Variants in EPSTI1 observed in about 807,000 individuals in gnomAD.
EPSTI1 encodes epithelial-stromal interaction protein 1.
Under a neutral mutation model 49.9 loss-of-function variants are expected in EPSTI1, and 66 were observed. The observed-to-expected ratio is 1.32, with a 90% CI of 1.08 to 1.62. EPSTI1 has a LOEUF of 1.62. Ranked by LOEUF, EPSTI1 falls within the 40% of genes most tolerant of loss-of-function variation. EPSTI1 has a pLI of 0.00. For missense variants in EPSTI1, 394 were observed against 365.5 expected, an observed-to-expected ratio of 1.08 and a Z score of -0.64; for synonymous variants, 137 against 130.7, an observed-to-expected ratio of 1.05 and a Z score of -0.33.
At chr13:42,987,596 T>A (rs1019271122) in intron 1 of EPSTI1, among the ~76,000 whole-genome samples, 3 of 152,026 alleles carry the variant, frequency 2.0e-5, no homozygotes, top group African/African-American at 7.2e-5. Context: ...TTTAAGCTCA[T>A]CCACTATGAT....
intron 8 of EPSTI1, among the ~76,000 whole-genome samples, chr13:42,909,912 A>G (rs9533300): frequency 0.9 from 137,347 of 152,136 alleles, 63,384 homozygotes; most frequent in Non-Finnish European, 1. Flanking sequence ...ATAAATAATG[A>G]TCATTTATTA....
intron 8 of EPSTI1, among the ~76,000 whole-genome samples, chr13:42,911,185 A>C (rs1459800377): frequency 6.7e-6 from 1 of 150,326 alleles, no homozygotes; most frequent in Non-Finnish European, 1.5e-5. Context: ...TTCAGATGTT[A>C]ATCTCTGTCT....
chr13:42,960,840 C>T (rs1161355604), intron 5 of EPSTI1, among the ~76,000 whole-genome samples: 2 of 152,272 alleles, frequency 1.3e-5, no homozygotes, highest in African/African-American at 4.8e-5. Context: ...TCTCTTCATT[C>T]TCTATCTCCC....
intron 1 of EPSTI1, among the ~76,000 whole-genome samples, chr13:42,983,496 G>A (rs11147894): frequency 0.49 from 73,076 of 149,354 alleles, 18,433 homozygotes; most frequent in South Asian, 0.61. Context: ...GCCAGGAGGC[G>A]GAGTTTGCAG....
chr13:42,888,599 G>T, intron 10 of EPSTI1, 97 bp from the exon 11 acceptor site: 1 of 1,279,620 alleles, frequency 7.8e-7, no homozygotes, highest in Non-Finnish European at 1.1e-6. Flanking sequence ...ACGCTCTTAT[G>T]CATCAAGCTG....
intron 7 of EPSTI1, among the ~76,000 whole-genome samples, chr13:42,919,852 T>C (rs1049436256): frequency 2.6e-5 from 4 of 152,198 alleles, no homozygotes; most frequent in Non-Finnish European, 5.9e-5. Flanking sequence ...TAACAAAGTA[T>C]TGTGATACTG....
At chr13:42,952,275 T>C (rs1025652278) in intron 6 of EPSTI1, among the ~76,000 whole-genome samples, 7 of 152,148 alleles carry the variant, frequency 4.6e-5, no homozygotes, top group East Asian at 1.9e-4. Flanking sequence ...CCACAATAAA[T>C]CTTGCTGCTG....
chr13:42,972,056 G>A (rs565712174), intron 1 of EPSTI1, among the ~76,000 whole-genome samples: 1 of 152,160 alleles, frequency 6.6e-6, no homozygotes, highest in Admixed American at 6.5e-5. Flanking sequence ...CTACAATCCC[G>A]TGGGTAGTCC....
chr13:42,983,483 G>A (rs931822195), intron 1 of EPSTI1, among the ~76,000 whole-genome samples: 4 of 143,474 alleles, frequency 2.8e-5, no homozygotes, highest in African/African-American at 1.0e-4. Context: ...GGAATCGCTT[G>A]AAGCCAGGAG....
chr13:42,925,390 A>G (rs1268340404), intron 7 of EPSTI1, among the ~76,000 whole-genome samples: 3 of 152,102 alleles, frequency 2.0e-5, no homozygotes, highest in Non-Finnish European at 4.4e-5. Flanking sequence ...TACCAGGAGC[A>G]CCATGAGCAC....
At chr13:42,898,887 T>A (rs943501064) in intron 9 of EPSTI1, among the ~76,000 whole-genome samples, 17 of 152,152 alleles carry the variant, frequency 1.1e-4, no homozygotes, top group African/African-American at 3.6e-4. Context: ...AAGTGTTTTT[T>A]AAACAGGAAG....
At position 42,888,118 on chromosome 13, in the gene EPSTI1, A is replaced by G; in HGVS notation, c.*376T>C. ...AGACCCCCAAAGCTTTCAAAACCTG[A>G]TCTGAGAATTAGATAAGAATATGTC... On this transcript the variant is annotated 3_prime_UTR_variant, in exon 11 of 11. Coordinates refer to ENST00000313624, the MANE Select transcript of EPSTI1 (RefSeq NM_033255.5). The G allele has an allele frequency of 1.8e-6, 2 of 1,108,262 alleles. No individual in the cohort carries two copies. Among genetic ancestry groups the G allele is most frequent in the Non-Finnish European group, 2.6e-6 (2 of 781,388 alleles). The allele number at this position is 1,108,262 out of a possible 1,614,324, so 68.7% of individuals were successfully genotyped here.
chr13:42,912,945 G>A (rs1034160915), intron 8 of EPSTI1, among the ~76,000 whole-genome samples: 1 of 151,850 alleles, frequency 6.6e-6, no homozygotes, highest in African/African-American at 2.4e-5. Flanking sequence ...AAGACAATAA[G>A]GGTAAAGAGA....
At chr13:42,921,374 T>C (rs540353443) in intron 7 of EPSTI1, among the ~76,000 whole-genome samples, 1 of 152,252 alleles carries the variant, frequency 6.6e-6, no homozygotes, top group Non-Finnish European at 1.5e-5. Context: ...CAGTTTGGAA[T>C]AGTCATCAAT....
Position 42,888,133 on chromosome 13 carries a change from A to T in EPSTI1, c.*361T>A. 8.2e-7 allele frequency: 1 copy of T among 1,225,156 alleles called. No homozygotes were observed. Among genetic ancestry groups the T allele is most frequent in the South Asian group, 1.7e-5 (1 of 59,494 alleles). The allele number at this position is 1,225,156 out of a possible 1,614,324, so 75.9% of individuals were successfully genotyped here. On this transcript the variant is annotated 3_prime_UTR_variant, in exon 11 of 11. Coordinates refer to ENST00000313624, the MANE Select transcript of EPSTI1 (RefSeq NM_033255.5). ...TCAAAACCTGATCTGAGAATTAGAT[A>T]AGAATATGTCACTTAGAAAGACAAG... is the stretch of plus-strand genomic sequence containing the variant.
intron 5 of EPSTI1, among the ~76,000 whole-genome samples, chr13:42,961,157 T>C (rs1439291724): frequency 2.0e-5 from 3 of 152,134 alleles, no homozygotes; most frequent in African/African-American, 7.2e-5. Flanking sequence ...CTTTAGAATA[T>C]GGGTGGTAGG....
At chr13:42,900,421 T>A in intron 8 of EPSTI1, 38 bp from the exon 9 acceptor site, 1 of 1,588,504 alleles carries the variant, frequency 6.3e-7, no homozygotes, top group Non-Finnish European at 8.6e-7. Flanking sequence ...GGTTTTCAAT[T>A]AACACAGTTG....
chr13:42,921,871 A>G (rs1019354155), intron 7 of EPSTI1, among the ~76,000 whole-genome samples: 1 of 152,164 alleles, frequency 6.6e-6, no homozygotes, highest in African/African-American at 2.4e-5. Flanking sequence ...GGAGAGAAAA[A>G]AAAAAATCCA....
intron 6 of EPSTI1, among the ~76,000 whole-genome samples, chr13:42,936,559 C>T (rs1483777650): frequency 1.3e-5 from 2 of 152,178 alleles, no homozygotes; most frequent in Non-Finnish European, 2.9e-5. Flanking sequence ...CCCGACTTCT[C>T]GGATGTCCTT....
Sources: gnomAD v4.1 joint callset for allele counts (sites outside exome capture counted in the v4.1 genomes callset) on GRCh38, gnomAD v4.1.1 for gene constraint, MANE v1.5 for transcripts, NCBI Gene and HGNC (gene_info 2026-07-23, HGNC 2026-07-21) for gene names.